Variants in ATP10A observed in about 807,000 individuals in gnomAD.
The protein encoded by ATP10A is phospholipid-transporting ATPase VA.
In ATP10A, 111 loss-of-function variants were observed where a neutral mutation model predicts 147.8. The ratio of observed to expected loss-of-function variants is 0.75; its 90% CI spans 0.64 to 0.88. The LOEUF is 0.88. Among genes scored for constraint, ATP10A ranks in the 40% least tolerant of loss-of-function variants. The pLI is 0.00. For synonymous variants in ATP10A, 875 were observed against 841.6 expected, an observed-to-expected ratio of 1.04 and a Z score of -0.69; for missense variants, 1,927 against 1,959.0, an observed-to-expected ratio of 0.98 and a Z score of 0.31.
intron 2 of ATP10A, among the ~76,000 whole-genome samples, chr15:25,768,683 ATTTT>A (rs143608940): frequency 0.041 from 3,669 of 89,644 alleles, 82 homozygotes; most frequent in African/African-American, 0.095. Context: ...AGCTGGGCTA[ATTTT>A]TTTTTTTTTT....
intron 2 of ATP10A, among the ~76,000 whole-genome samples, chr15:25,766,606 C>A (rs1323956950): frequency 1.3e-5 from 2 of 151,766 alleles, no homozygotes; most frequent in Non-Finnish European, 2.9e-5. Flanking sequence ...GTAATTGGAT[C>A]TTCCTGCTGG....
intron 14 of ATP10A, among the ~76,000 whole-genome samples, chr15:25,693,077 AG>A (rs1363336848): frequency 6.6e-6 from 1 of 151,848 alleles, no homozygotes; most frequent in East Asian, 1.9e-4. Flanking sequence ...GCTGGAGTGT[AG>A]TGGTGTGATC....
At chr15:25,743,433 G>A (rs1211116254) in intron 2 of ATP10A, among the ~76,000 whole-genome samples, 1 of 152,196 alleles carries the variant, frequency 6.6e-6, no homozygotes, top group East Asian at 1.9e-4. Context: ...CTGCCTGGAG[G>A]TATGAAGGAT....
At chr15:25,814,614 C>T (rs1596941750) in intron 1 of ATP10A, among the ~76,000 whole-genome samples, 1 of 152,162 alleles carries the variant, frequency 6.6e-6, no homozygotes, top group Non-Finnish European at 1.5e-5. Flanking sequence ...TGGAATATGC[C>T]CACTTCATTG....
intron 5 of ATP10A, among the ~76,000 whole-genome samples, chr15:25,725,112 A>C (rs950780872): frequency 6.6e-6 from 1 of 152,112 alleles, no homozygotes; most frequent in Non-Finnish European, 1.5e-5. Context: ...CTCCCGTCAG[A>C]TCAGCGGCAG....
intron 1 of ATP10A, among the ~76,000 whole-genome samples, chr15:25,811,908 CG>C (rs1444003863): frequency 4.6e-5 from 7 of 152,204 alleles, no homozygotes; most frequent in African/African-American, 1.4e-4. Flanking sequence ...ACACCCACCC[CG>C]ATGCCAGAGG....
chr15:25,803,846 C>T (rs1193785160), intron 1 of ATP10A, among the ~76,000 whole-genome samples: 1 of 152,208 alleles, frequency 6.6e-6, no homozygotes, highest in Non-Finnish European at 1.5e-5. Flanking sequence ...CCCTCCCAGG[C>T]ACAGACTCCC....
chr15:25,845,305 A>G (rs540561059), intron 1 of ATP10A, among the ~76,000 whole-genome samples: 92 of 144,920 alleles, frequency 6.3e-4, no homozygotes, highest in African/African-American at 2.4e-3. Context: ...GGAAATCAGC[A>G]CGGACCGTTT....
chr15:25,735,003 CGGGGGGGGGGT>C (rs35794778), intron 3 of ATP10A, among the ~76,000 whole-genome samples: 69,492 of 132,200 alleles, frequency 0.53, 17,866 homozygotes, highest in Admixed American at 0.64. Context: ...GTGGTGGGAG[CGGGGGGGGGGT>C]GGGGGGGTGG....
At chr15:25,682,562 G>A (rs1291224288) in intron 17 of ATP10A, among the ~76,000 whole-genome samples, 1 of 152,174 alleles carries the variant, frequency 6.6e-6, no homozygotes, top group South Asian at 2.1e-4. Flanking sequence ...CGAGGAGGCT[G>A]AGGCCTGGCC....
intron 1 of ATP10A, among the ~76,000 whole-genome samples, chr15:25,806,255 C>G (rs567012177): frequency 3.3e-5 from 5 of 152,296 alleles, no homozygotes; most frequent in Admixed American, 1.3e-4. Context: ...GAATGAAGAT[C>G]TGTATGATGA....
At chr15:25,855,919 G>A (rs1289651618) in intron 1 of ATP10A, among the ~76,000 whole-genome samples, 2 of 152,158 alleles carry the variant, frequency 1.3e-5, no homozygotes, top group East Asian at 3.9e-4. Flanking sequence ...AAACTGTTTA[G>A]ATCTAAATAA....
chr15:25,783,845 T>C (rs1357914283), intron 1 of ATP10A, among the ~76,000 whole-genome samples: 1 of 152,172 alleles, frequency 6.6e-6, no homozygotes, highest in Non-Finnish European at 1.5e-5. Flanking sequence ...GCAGGCCATG[T>C]GGTCCCAGCA....
intron 1 of ATP10A, among the ~76,000 whole-genome samples, chr15:25,803,043 T>C (rs1462155561): frequency 6.6e-6 from 1 of 152,190 alleles, no homozygotes; most frequent in Non-Finnish European, 1.5e-5. Flanking sequence ...CAGGTGCTCT[T>C]ATGGCCAAGG....
chr15:25,753,563 C>A lies in ATP10A; in HGVS notation c.655-17422G>T, dbSNP rs58593505. On this transcript the variant is annotated intron_variant, in intron 2 of 20. Transcript: ENST00000555815. The stretch of plus-strand genomic sequence containing the variant: ...AAAGGCACCCCTAACTGCACCCCCC[C>A]ACAAGTCACTCTTAAGGGCTGTAAT... Among the ~76,000 whole-genome samples the A allele has an allele frequency of 2.0e-3, 302 of 150,924 alleles. 2 individuals are homozygous for A. Among genetic ancestry groups the A allele is most frequent in the Middle Eastern group, 0.017 (5 of 292 alleles).
intron 1 of ATP10A, among the ~76,000 whole-genome samples, chr15:25,836,064 C>A (rs1036079335): frequency 2.0e-5 from 3 of 152,212 alleles, no homozygotes; most frequent in African/African-American, 7.2e-5. Context: ...CCGCCCACCT[C>A]GGGCTCCCAA....
chr15:25,698,510 CTATT>C (rs1900476094), intron 13 of ATP10A, among the ~76,000 whole-genome samples: 2 of 149,794 alleles, frequency 1.3e-5, no homozygotes, highest in African/African-American at 4.9e-5. Context: ...TGGTAATTGA[CTATT>C]TGTTATCAGT....
At chr15:25,713,634 TC>T in intron 10 of ATP10A, 39 bp downstream of exon 10, 1 of 1,584,642 alleles carries the variant, frequency 6.3e-7, no homozygotes, top group Non-Finnish European at 8.6e-7. Context: ...CAGGACCTCC[TC>T]CCCCGAGCTG....
At chr15:25,795,345 C>T (rs1030117287) in intron 1 of ATP10A, among the ~76,000 whole-genome samples, 6 of 152,070 alleles carry the variant, frequency 3.9e-5, no homozygotes, top group African/African-American at 1.2e-4. Flanking sequence ...ACCTCCAGTC[C>T]GATGTTTAAC....
Sources: allele counts gnomAD v4.1 joint callset (sites outside exome capture counted in the v4.1 genomes callset), GRCh38; gene constraint gnomAD v4.1.1; transcripts MANE v1.5; gene names NCBI Gene and HGNC (gene_info 2026-07-23, HGNC 2026-07-21).